NEK11: variants seen among roughly 807,000 people sequenced by gnomAD.
NEK11 encodes serine/threonine-protein kinase Nek11.
In NEK11, 72 loss-of-function variants were observed where a neutral mutation model predicts 80.7. That is an observed-to-expected ratio of 0.89 (90% CI 0.74 to 1.08). The LOEUF is 1.08. NEK11 is among the 50% of genes least tolerant of loss of function. NEK11 has a pLI of 0.00. For synonymous variants in NEK11, 251 were observed against 260.7 expected (o/e 0.96, Z 0.36); for missense variants, 764 against 763.6 (o/e 1.00, Z -0.01).
chr3:131,255,126 AAG>A lies in NEK11; in HGVS notation c.1621+11636_1621+11637del, dbSNP rs1169617017. ...AAAGAAAGAAAGAAAGAAAGAAAGA[AAG>A]AGAGAAAGAACAGCTAATTTCCCAA... On this transcript the variant is annotated intron_variant, in intron 16 of 17. Coordinates refer to ENST00000383366, the MANE Select transcript of NEK11 (RefSeq NM_024800.5). Among the ~76,000 whole-genome samples, 1,430 of 147,336 alleles carry A rather than the reference AAG, an allele frequency of 9.7e-3. 23 individuals are homozygous for A. The highest frequency in any genetic ancestry group is 0.034 in the African/African-American group (1,348 of 39,116).
chr3:131,324,717 T>C lies in NEK11; in HGVS notation c.1719-24840T>C, dbSNP rs77898083. Among the ~76,000 whole-genome samples the C allele has an allele frequency of 4.4e-3, 675 of 152,306 alleles. 3 individuals are homozygous for C. The highest frequency in any genetic ancestry group is 0.015 in the African/African-American group (617 of 41,570). ...AGGGAAAGCAAGGGGCTTATTTTTATGGTTTGTACACATGTCCATCACAGT... is the reference window on the plus strand; with the variant it reads ...AGGGAAAGCAAGGGGCTTATTTTTACGGTTTGTACACATGTCCATCACAGT... On this transcript the variant is annotated intron_variant, in intron 17 of 17. Coordinates refer to ENST00000383366, the MANE Select transcript of NEK11 (RefSeq NM_024800.5).
chr3:131,161,990 G>T (rs2091654439), intron 10 of NEK11, among the ~76,000 whole-genome samples: 2 of 152,184 alleles, frequency 1.3e-5, no homozygotes, highest in Admixed American at 1.3e-4. Flanking sequence ...GGGAGGTTCA[G>T]TTACTTGCCC....
chr3:131,081,943 A>C (rs75025814), intron 4 of NEK11, among the ~76,000 whole-genome samples: 121 of 152,336 alleles, frequency 7.9e-4, no homozygotes, highest in African/African-American at 2.6e-3. Context: ...AAATGAAACC[A>C]ATAGCCAAGT....
intron 14 of NEK11, among the ~76,000 whole-genome samples, chr3:131,189,201 T>A (rs142416404): frequency 6.6e-6 from 1 of 152,264 alleles, no homozygotes; most frequent in African/African-American, 2.4e-5. Flanking sequence ...GATTTTGGAC[T>A]TCTGACCTCC....
chr3:131,153,823 T>C (rs1320611829), intron 9 of NEK11, among the ~76,000 whole-genome samples: 1 of 151,980 alleles, frequency 6.6e-6, no homozygotes, highest in Non-Finnish European at 1.5e-5. Flanking sequence ...AGGATGTAAA[T>C]AAAATAAGTA....
chr3:131,323,970 A>G (rs2096927708), intron 17 of NEK11, among the ~76,000 whole-genome samples: 1 of 152,202 alleles, frequency 6.6e-6, no homozygotes, highest in South Asian at 2.1e-4. Flanking sequence ...TCCTAATTAC[A>G]GGCAGTTTGG....
Position 131,157,992 on chromosome 3 carries a change from C to A in NEK11, c.962+2871C>A, listed in dbSNP as rs116102253. On this transcript the variant is annotated intron_variant, in intron 10 of 17. Transcript: ENST00000383366. Reference sequence around the variant, plus strand: ...CAGAGCATGGCCAGGGAGACCATCCCCCTAGGCTTGACTTGCTCCCATGGG... The same window carrying A: ...CAGAGCATGGCCAGGGAGACCATCCACCTAGGCTTGACTTGCTCCCATGGG... 1.7e-3 allele frequency among the ~76,000 whole-genome samples: 263 copies of A among 152,156 alleles called. 2 individuals carry two copies. Among genetic ancestry groups the A allele is most frequent in the Middle Eastern group, 6.8e-3 (2 of 294 alleles).
intron 14 of NEK11, among the ~76,000 whole-genome samples, chr3:131,223,640 T>C (rs1051839393): frequency 1.3e-5 from 2 of 152,270 alleles, no homozygotes; most frequent in Non-Finnish European, 2.9e-5. Context: ...AGTTGGGTAG[T>C]TGTGACAGAG....
intron 14 of NEK11, among the ~76,000 whole-genome samples, chr3:131,226,854 T>A (rs1372116299): frequency 6.6e-6 from 1 of 152,150 alleles, no homozygotes; most frequent in Non-Finnish European, 1.5e-5. Flanking sequence ...CATATGTGTA[T>A]AGGTATGTTA....
intron 17 of NEK11, among the ~76,000 whole-genome samples, chr3:131,289,192 A>T (rs1157643896): frequency 6.6e-6 from 1 of 152,060 alleles, no homozygotes. Context: ...CAGTGTTCTC[A>T]TATGTCCTTT....
intron 4 of NEK11, among the ~76,000 whole-genome samples, chr3:131,081,677 A>G (rs771814031): frequency 1.1e-4 from 16 of 152,164 alleles, no homozygotes; most frequent in Admixed American, 9.8e-4. Flanking sequence ...GGTACTGTTC[A>G]TACTTTAGGA....
chr3:131,047,851 G>A (rs2067655503), intron 3 of NEK11, among the ~76,000 whole-genome samples: 1 of 152,220 alleles, frequency 6.6e-6, no homozygotes, highest in Non-Finnish European at 1.5e-5. Flanking sequence ...AGGAGAATAT[G>A]TCCTTTGTCT....
At chr3:131,175,748 A>G (rs2092971248) in intron 14 of NEK11, among the ~76,000 whole-genome samples, 1 of 152,348 alleles carries the variant, frequency 6.6e-6, no homozygotes, top group African/African-American at 2.4e-5. Context: ...AGTGCATTTT[A>G]TTGTATATAA....
intron 14 of NEK11, among the ~76,000 whole-genome samples, chr3:131,173,812 T>C (rs976664915): frequency 6.6e-6 from 1 of 152,158 alleles, no homozygotes; most frequent in East Asian, 1.9e-4. Flanking sequence ...TTTTGTCTTT[T>C]GTCATGGAGG....
intron 14 of NEK11, among the ~76,000 whole-genome samples, chr3:131,179,998 T>C (rs991638319): frequency 8.5e-5 from 13 of 152,142 alleles, no homozygotes; most frequent in Admixed American, 4.6e-4. Context: ...TAAAGTCCTA[T>C]GTGGGAAAGA....
intron 3 of NEK11, among the ~76,000 whole-genome samples, chr3:131,073,394 A>G (rs1046862904): frequency 1.3e-5 from 2 of 152,232 alleles, no homozygotes; most frequent in Non-Finnish European, 2.9e-5. Flanking sequence ...AGTTGTCACC[A>G]CAAATGGAAA....
intron 17 of NEK11, among the ~76,000 whole-genome samples, chr3:131,308,931 G>C (rs1256400699): frequency 6.6e-6 from 1 of 152,176 alleles, no homozygotes; most frequent in Non-Finnish European, 1.5e-5. Context: ...TAAGGAGCAC[G>C]CAACCTAGAT....
At chr3:131,297,203 T>G (rs1050882036) in intron 17 of NEK11, among the ~76,000 whole-genome samples, 5 of 151,334 alleles carry the variant, frequency 3.3e-5, no homozygotes, top group African/African-American at 4.8e-5. Context: ...GGTCAAATGG[T>G]ATTTCTAGTT....
At chr3:131,109,525 A>G (rs2079730492) in intron 4 of NEK11, 1 of 232,982 alleles carries the variant, frequency 4.3e-6, no homozygotes, top group South Asian at 1.5e-4. Flanking sequence ...AAGGGGTAGG[A>G]GGGTAGGACC....
Sources: gnomAD v4.1 joint callset for allele counts (sites outside exome capture counted in the v4.1 genomes callset) on GRCh38, gnomAD v4.1.1 for gene constraint, MANE v1.5 for transcripts, NCBI Gene and HGNC (gene_info 2026-07-23, HGNC 2026-07-21) for gene names.